Variants in PEAK1 observed in about 807,000 individuals in gnomAD.
The protein encoded by PEAK1 is pseudopodium enriched atypical kinase 1.
PEAK1 carries 54 observed loss-of-function variants against 124.7 expected under a neutral mutation model. The ratio of observed to expected loss-of-function variants is 0.43; its 90% CI spans 0.35 to 0.54. The LOEUF (loss-of-function observed/expected upper bound fraction) is 0.54. PEAK1 is among the 20% of genes least tolerant of loss of function. The pLI, the probability that PEAK1 is intolerant of heterozygous loss-of-function variation, is 0.01. For synonymous variants in PEAK1, 719 were observed against 760.0 expected (o/e 0.95, Z 0.89); for missense variants, 2,046 against 2,134.5 (o/e 0.96, Z 0.82).
intron 1 of PEAK1, chr15:77,371,246 A>C: frequency 8.2e-6 from 8 of 981,224 alleles, no homozygotes; most frequent in Non-Finnish European, 9.7e-6. Flanking sequence ...CTCCAAACCT[A>C]GGGCCTAGTA....
At chr15:77,368,503 G>A (rs542947791) in intron 1 of PEAK1, among the ~76,000 whole-genome samples, 10 of 150,754 alleles carry the variant, frequency 6.6e-5, no homozygotes, top group African/African-American at 2.4e-4. Flanking sequence ...GGGCGACAGA[G>A]CAAGATGCCA....
At chr15:77,119,712 T>C (rs2051736560) in intron 9 of PEAK1, among the ~76,000 whole-genome samples, 2 of 152,234 alleles carry the variant, frequency 1.3e-5, no homozygotes. Flanking sequence ...ATGCACAACC[T>C]GAAAAGTTTA....
At chr15:77,263,900 T>A (rs926460797) in intron 5 of PEAK1, among the ~76,000 whole-genome samples, 9 of 152,124 alleles carry the variant, frequency 5.9e-5, no homozygotes, top group Admixed American at 1.3e-4. Flanking sequence ...ATCCAAAAGC[T>A]TATCTACCAT....
intron 8 of PEAK1, among the ~76,000 whole-genome samples, chr15:77,151,919 T>C (rs1028631421): frequency 2.2e-4 from 33 of 152,022 alleles, no homozygotes; most frequent in African/African-American, 6.3e-4. Context: ...TGTAGCCTTG[T>C]AGTAACCAAA....
At chr15:77,217,253 G>T (rs1025907803) in intron 6 of PEAK1, among the ~76,000 whole-genome samples, 1 of 149,822 alleles carries the variant, frequency 6.7e-6, no homozygotes, top group African/African-American at 2.5e-5. Context: ...AAAAAGGGCA[G>T]GTTGTGGGGA....
chr15:77,369,766 G>A (rs1432691046), intron 1 of PEAK1, among the ~76,000 whole-genome samples: 1 of 152,148 alleles, frequency 6.6e-6, no homozygotes. Flanking sequence ...ATTAGAACTG[G>A]AAGGAGGCAT....
chr15:77,229,586 T>A (rs1596737649), intron 6 of PEAK1, among the ~76,000 whole-genome samples: 1 of 152,160 alleles, frequency 6.6e-6, no homozygotes, highest in African/African-American at 2.4e-5. Flanking sequence ...ACCAGAGGTA[T>A]CTGATTCCTG....
chr15:77,350,336 A>G (rs1457409199), intron 2 of PEAK1: 2 of 985,318 alleles, frequency 2.0e-6, no homozygotes, highest in African/African-American at 3.5e-5. Flanking sequence ...AGTCATGGCC[A>G]GAGAGTATCA....
At chr15:77,143,973 C>A (rs992781540) in intron 8 of PEAK1, among the ~76,000 whole-genome samples, 4 of 152,224 alleles carry the variant, frequency 2.6e-5, no homozygotes, top group Non-Finnish European at 5.9e-5. Flanking sequence ...TATGGGCAGC[C>A]ATGTTCTGCC....
chr15:77,360,524 G>C (rs926983424), intron 2 of PEAK1, among the ~76,000 whole-genome samples: 4 of 152,086 alleles, frequency 2.6e-5, no homozygotes, highest in African/African-American at 9.7e-5. Flanking sequence ...GACAACATAG[G>C]TTTGAACTGT....
Position 77,114,839 on chromosome 15 carries a change from C to T in PEAK1, c.4558G>A (p.Glu1520Lys). 6.2e-7 allele frequency: 1 copy of T among 1,613,598 alleles called. No homozygotes were observed. Among genetic ancestry groups the T allele is most frequent in the Non-Finnish European group, 8.5e-7 (1 of 1,179,990 alleles). ...YHVTHCDLRL[E>K]NLLLVHYQPG... ...TGGTAGTGGACAAGTAGCAGGTTCT[C>T]TAGGCGTAGATCGCAGTGAGTGACA... is the stretch of plus-strand genomic sequence containing the variant. The change falls in exon 10 of 10, where the codon GAG becomes AAG. Residue 1520 changes from glutamate to lysine, a missense_variant. Glu to Lys is a moderately conservative substitution (Grantham distance 56). Coordinates refer to ENST00000682557, the MANE Select transcript of PEAK1 (RefSeq NM_001385026.1).
chr15:77,391,049 A>T (rs936818337), intron 1 of PEAK1, among the ~76,000 whole-genome samples: 1 of 152,180 alleles, frequency 6.6e-6, no homozygotes. Context: ...GAGACCTTGA[A>T]TCCCAGCCCC....
intron 2 of PEAK1, among the ~76,000 whole-genome samples, chr15:77,316,142 T>C (rs1447521457): frequency 2.6e-5 from 4 of 152,202 alleles, no homozygotes; most frequent in Admixed American, 6.5e-5. Flanking sequence ...GCCACCACAG[T>C]ATTAACACTG....
At chr15:77,319,666 C>T (rs950418974) in intron 2 of PEAK1, among the ~76,000 whole-genome samples, 1 of 152,134 alleles carries the variant, frequency 6.6e-6, no homozygotes, top group African/African-American at 2.4e-5. Context: ...CTTCAACTAG[C>T]CAATATATAA....
At position 77,338,904 on chromosome 15, in the gene PEAK1, T is replaced by C. The variant is rs116636021; in HGVS notation, c.-603+26259A>G. On this transcript the variant is annotated intron_variant, in intron 2 of 9. Transcript: ENST00000682557. Reference sequence around the variant, plus strand: ...CTTTAAATTAAAATGTTTTTCCTTATAGTAAAAAAGTGTCTAAATCTCAAA... The same window carrying C: ...CTTTAAATTAAAATGTTTTTCCTTACAGTAAAAAAGTGTCTAAATCTCAAA... 1.4e-3 allele frequency among the ~76,000 whole-genome samples: 217 copies of C among 152,062 alleles called. 2 individuals are homozygous for C. Among genetic ancestry groups the C allele is most frequent in the African/African-American group, 5.1e-3 (210 of 41,548 alleles).
At chr15:77,338,713 A>C (rs890657331) in intron 2 of PEAK1, among the ~76,000 whole-genome samples, 2 of 151,422 alleles carry the variant, frequency 1.3e-5, no homozygotes, top group Non-Finnish European at 2.9e-5. Context: ...AATGAATCCC[A>C]CAATAAAATT....
intron 5 of PEAK1, among the ~76,000 whole-genome samples, chr15:77,259,903 T>A (rs901226094): frequency 6.6e-6 from 1 of 152,190 alleles, no homozygotes; most frequent in African/African-American, 2.4e-5. Flanking sequence ...CTAGAATTTA[T>A]GGAGCAGAAT....
At chr15:77,322,351 GA>G (rs1359450225) in intron 2 of PEAK1, among the ~76,000 whole-genome samples, 3 of 152,102 alleles carry the variant, frequency 2.0e-5, no homozygotes, top group African/African-American at 7.2e-5. Context: ...CTGGTTTTTT[GA>G]AAGGATCAAC....
At chr15:77,382,084 T>TTCTCTC (rs1567332497) in intron 1 of PEAK1, among the ~76,000 whole-genome samples, 1 of 152,140 alleles carries the variant, frequency 6.6e-6, no homozygotes, top group Non-Finnish European at 1.5e-5. Flanking sequence ...GTCTCTCTCT[T>TTCTCTC]TCTCTCTCAC....
Sources: gnomAD v4.1 joint callset for allele counts (sites outside exome capture counted in the v4.1 genomes callset) on GRCh38, gnomAD v4.1.1 for gene constraint, MANE v1.5 for transcripts, NCBI Gene and HGNC (gene_info 2026-07-23, HGNC 2026-07-21) for gene names.